PRKAR2B: variants seen among roughly 807,000 people sequenced by gnomAD.
The protein encoded by PRKAR2B is cAMP-dependent protein kinase type II-beta regulatory subunit.
PRKAR2B carries 14 observed loss-of-function variants against 49.9 expected under a neutral mutation model. The ratio of observed to expected loss-of-function variants is 0.28; its 90% CI spans 0.19 to 0.44. The LOEUF (loss-of-function observed/expected upper bound fraction) is 0.44. Ranked by LOEUF, PRKAR2B falls within the 20% of genes least tolerant of loss-of-function variation. The pLI, the probability that PRKAR2B is intolerant of heterozygous loss-of-function variation, is 1.00. For synonymous variants in PRKAR2B, 196 were observed against 197.7 expected (o/e 0.99, Z 0.07); for missense variants, 393 against 537.9 (o/e 0.73, Z 2.67).
chr7:107,060,784 A>T (rs994181476), intron 1 of PRKAR2B, among the ~76,000 whole-genome samples: 1 of 152,182 alleles, frequency 6.6e-6, no homozygotes, highest in African/African-American at 2.4e-5. Flanking sequence ...GGCTAATGTT[A>T]ATCATTCCTT....
intron 2 of PRKAR2B, among the ~76,000 whole-genome samples, chr7:107,108,728 T>TA (rs1795120490): frequency 6.6e-6 from 1 of 152,246 alleles, no homozygotes. Flanking sequence ...CTTATAGAGT[T>TA]AGAGCTCCAT....
rs78554080 is a variant in PRKAR2B, at chr7:107,092,854, G to A, written c.343+22538G>A. Among the ~76,000 whole-genome samples the A allele has an allele frequency of 3.7e-3, 567 of 152,170 alleles. 4 individuals are homozygous for A. Among genetic ancestry groups the A allele is most frequent in the African/African-American group, 0.013 (538 of 41,522 alleles). On this transcript the variant is annotated intron_variant, in intron 2 of 10. Coordinates refer to ENST00000265717, the MANE Select transcript of PRKAR2B (RefSeq NM_002736.3). ...TTTAATCTTCACAAACTGAAACTCC[G>A]TACCTGTTAAATACTTAACTCCTCA... is the stretch of plus-strand genomic sequence containing the variant.
At chr7:107,072,249 G>C (rs1354499473) in intron 2 of PRKAR2B, among the ~76,000 whole-genome samples, 1 of 151,854 alleles carries the variant, frequency 6.6e-6, no homozygotes, top group East Asian at 1.9e-4. Context: ...TAAATAAGAT[G>C]ATACCAAGTT....
In PRKAR2B at chr7:107,160,492, A is replaced by G. The variant is rs1796179068; in HGVS notation, c.*910A>G. On this transcript the variant is annotated 3_prime_UTR_variant, in exon 11 of 11. Coordinates refer to ENST00000265717, the MANE Select transcript of PRKAR2B (RefSeq NM_002736.3). ...ATCCCAAAAATAATGTGGGATCCTT[A>G]TCAGCATGCCCACAGTTTATTTCTT... is the stretch of plus-strand genomic sequence containing the variant. The G allele has an allele frequency of 6.6e-6, 1 of 152,198 alleles. No individual in the cohort carries two copies. Among genetic ancestry groups the G allele is most frequent in the South Asian group, 2.1e-4 (1 of 4,834 alleles). The allele number at this position is 152,198 out of a possible 1,614,324, so 9.4% of individuals were successfully genotyped here.
rs576851759 is a variant in PRKAR2B at position 107,160,608 on chromosome 7, A to G, written c.*1026A>G. The G allele has an allele frequency of 2.7e-4, 41 of 152,250 alleles. No individual in the cohort carries two copies. The highest frequency in any genetic ancestry group is 1.8e-4 in the Non-Finnish European group (12 of 68,006). 9.4% of individuals were successfully genotyped at this position (152,250 alleles called of 1,614,324 possible). On this transcript the variant is annotated 3_prime_UTR_variant, in exon 11 of 11. Coordinates refer to ENST00000265717, the MANE Select transcript of PRKAR2B (RefSeq NM_002736.3). ...TTCTTAGGATGGTTGCCAACCCACAATCTCATTGATCAGCAGCCAATATGG... is the reference window on the plus strand; with the variant it reads ...TTCTTAGGATGGTTGCCAACCCACAGTCTCATTGATCAGCAGCCAATATGG...
At chr7:107,102,989 A>G (rs1052341403) in intron 2 of PRKAR2B, among the ~76,000 whole-genome samples, 8 of 152,182 alleles carry the variant, frequency 5.3e-5, no homozygotes, top group African/African-American at 1.9e-4. Flanking sequence ...TAGTTTTTCA[A>G]AATATATTAC....
chr7:107,075,113 T>G (rs1159047754), intron 2 of PRKAR2B, among the ~76,000 whole-genome samples: 1 of 151,826 alleles, frequency 6.6e-6, no homozygotes, highest in Non-Finnish European at 1.5e-5. Flanking sequence ...TTAAATTTTT[T>G]TTTTTTTTGA....
chr7:107,084,272 T>C (rs747526139), intron 2 of PRKAR2B, among the ~76,000 whole-genome samples: 3 of 152,200 alleles, frequency 2.0e-5, no homozygotes, highest in Non-Finnish European at 2.9e-5. Flanking sequence ...CAATTCATCA[T>C]TCAAAGTTCT....
At chr7:107,050,188 A>T (rs1194001270) in intron 1 of PRKAR2B, among the ~76,000 whole-genome samples, 1 of 152,066 alleles carries the variant, frequency 6.6e-6, no homozygotes. Context: ...GAGAAGTAAA[A>T]CCAGTTGTGA....
At chr7:107,096,485 A>G (rs186691682) in intron 2 of PRKAR2B, among the ~76,000 whole-genome samples, 2 of 150,674 alleles carry the variant, frequency 1.3e-5, no homozygotes, top group Non-Finnish European at 3.0e-5. Context: ...TTTTTTTTGA[A>G]GGGTTTTTTT....
chr7:107,051,522 A>G (rs1292322741), intron 1 of PRKAR2B, among the ~76,000 whole-genome samples: 2 of 152,190 alleles, frequency 1.3e-5, no homozygotes, highest in African/African-American at 4.8e-5. Flanking sequence ...GATGCTTATC[A>G]TTATTTTATG....
chr7:107,126,366 AGCT>A (rs1287014007), intron 3 of PRKAR2B, among the ~76,000 whole-genome samples: 3 of 144,752 alleles, frequency 2.1e-5, no homozygotes, highest in Non-Finnish European at 4.5e-5. Context: ...GATTGCAGTG[AGCT>A]GAGATCGCAC....
intron 1 of PRKAR2B, among the ~76,000 whole-genome samples, chr7:107,064,050 A>G (rs1794080635): frequency 6.6e-6 from 1 of 152,182 alleles, no homozygotes; most frequent in Admixed American, 6.5e-5. Context: ...ACTCCTTTCT[A>G]CTTAACTCTG....
chr7:107,108,705 A>G (rs1315155721), intron 2 of PRKAR2B, among the ~76,000 whole-genome samples: 1 of 152,240 alleles, frequency 6.6e-6, no homozygotes, highest in African/African-American at 2.4e-5. Context: ...TGGCTCCTGT[A>G]CAGCTCTACA....
intron 2 of PRKAR2B, among the ~76,000 whole-genome samples, chr7:107,095,612 C>T (rs1056754106): frequency 6.6e-6 from 1 of 152,108 alleles, no homozygotes; most frequent in African/African-American, 2.4e-5. Context: ...CAGTTTTTGC[C>T]CATTCAGTAT....
intron 1 of PRKAR2B, among the ~76,000 whole-genome samples, chr7:107,063,909 C>G (rs1034592227): frequency 3.3e-5 from 5 of 152,178 alleles, no homozygotes; most frequent in African/African-American, 1.2e-4. Flanking sequence ...ATTGTTTACT[C>G]TTACAAGCAG....
At chr7:107,150,202 C>T (rs1007840045) in intron 6 of PRKAR2B, among the ~76,000 whole-genome samples, 1 of 151,850 alleles carries the variant, frequency 6.6e-6, no homozygotes, top group African/African-American at 2.4e-5. Context: ...ATGTTTTGAG[C>T]TGTATCCTTA....
rs1794519848 is a variant in PRKAR2B at position 107,081,757 on chromosome 7, T to C, written c.343+11441T>C. The C allele has an allele frequency of 2.6e-5, 4 of 152,148 alleles. No homozygotes were observed. In the South Asian group the frequency reaches 8.3e-4, roughly 32 times the overall value. 9.4% of individuals were successfully genotyped at this position (152,148 alleles called of 1,614,324 possible). On this transcript the variant is annotated intron_variant, in intron 2 of 10. Coordinates refer to ENST00000265717, the MANE Select transcript of PRKAR2B (RefSeq NM_002736.3). ...ATTAAAATATACATTAATGGTACAG[T>C]ATATTGTTTTCAGAATAGTGGAAAG...
At chr7:107,120,965 T>C (rs1230039850) in intron 2 of PRKAR2B, among the ~76,000 whole-genome samples, 1 of 151,038 alleles carries the variant, frequency 6.6e-6, no homozygotes, top group Non-Finnish European at 1.5e-5. Context: ...AAAATCTTTG[T>C]CAATTTAAAT....
Sources: gnomAD v4.1 joint callset for allele counts (sites outside exome capture counted in the v4.1 genomes callset) on GRCh38, gnomAD v4.1.1 for gene constraint, MANE v1.5 for transcripts, NCBI Gene and HGNC (gene_info 2026-07-23, HGNC 2026-07-21) for gene names.